The following PRKCA variants were observed in gnomAD, a reference collection of about 807,000 sequenced individuals.
PRKCA encodes the protein protein kinase C alpha type.
In PRKCA, 27 loss-of-function variants were observed where a neutral mutation model predicts 87.0. That is an observed-to-expected ratio of 0.31 (90% CI 0.23 to 0.43). The LOEUF (loss-of-function observed/expected upper bound fraction) is 0.43, where lower values mean the gene tolerates loss of function less well. Among genes scored for constraint, PRKCA ranks in the 20% least tolerant of loss-of-function variants. The pLI, the probability that PRKCA is intolerant of heterozygous loss-of-function variation, is 1.00. For synonymous variants in PRKCA, 329 were observed against 311.1 expected (o/e 1.06, Z -0.61); for missense variants, 518 against 852.3 (o/e 0.61, Z 4.88).
intron 8 of PRKCA, among the ~76,000 whole-genome samples, chr17:66,727,055 G>A (rs933499595): frequency 6.6e-6 from 1 of 152,106 alleles, no homozygotes; most frequent in Non-Finnish European, 1.5e-5. Context: ...GCCCGCCAGC[G>A]AGAGCAACGG....
chr17:66,448,416 G>A (rs1358142329), intron 2 of PRKCA, among the ~76,000 whole-genome samples: 6 of 152,132 alleles, frequency 3.9e-5, no homozygotes, highest in Non-Finnish European at 7.4e-5. Flanking sequence ...TTTTGGCTGC[G>A]TTAGGCTCTT....
intron 2 of PRKCA, among the ~76,000 whole-genome samples, chr17:66,351,123 G>A (rs887413911): frequency 2.6e-5 from 4 of 152,248 alleles, no homozygotes; most frequent in African/African-American, 7.2e-5. Flanking sequence ...ATCGTGTGGT[G>A]CTGAGCTTGG....
intron 3 of PRKCA, among the ~76,000 whole-genome samples, chr17:66,499,415 T>C (rs145607855): frequency 6.6e-6 from 1 of 152,326 alleles, no homozygotes; most frequent in East Asian, 1.9e-4. Flanking sequence ...ATTCTCTACG[T>C]TGCTGAAACT....
At chr17:66,440,653 C>CT (rs1439603117) in intron 2 of PRKCA, among the ~76,000 whole-genome samples, 8 of 152,112 alleles carry the variant, frequency 5.3e-5, no homozygotes, top group Non-Finnish European at 8.8e-5. Context: ...GTCAAGGGGG[C>CT]TTTTTTGAGG....
At chr17:66,452,091 G>T (rs143889956) in intron 2 of PRKCA, among the ~76,000 whole-genome samples, 2 of 152,314 alleles carry the variant, frequency 1.3e-5, no homozygotes, top group African/African-American at 4.8e-5. Context: ...CCTCCATGCA[G>T]CAGGGTGCGT....
intron 2 of PRKCA, among the ~76,000 whole-genome samples, chr17:66,367,964 C>T (rs866388002): frequency 4.7e-4 from 71 of 152,284 alleles, no homozygotes; most frequent in African/African-American, 1.5e-3. Context: ...AAATAACTTA[C>T]AGGTGCAGTT....
At chr17:66,671,209 CAAAAAAAAAAA>C (rs778507190) in intron 5 of PRKCA, among the ~76,000 whole-genome samples, 18 of 48,454 alleles carry the variant, frequency 3.7e-4, no homozygotes, top group South Asian at 1.5e-3. Flanking sequence ...AGACTCATCT[CAAAAAAAAAAA>C]AAAAAAAAAA....
At chr17:66,353,556 G>T (rs368887066) in intron 2 of PRKCA, among the ~76,000 whole-genome samples, 1 of 152,016 alleles carries the variant, frequency 6.6e-6, no homozygotes, top group African/African-American at 2.4e-5. Context: ...TCTCTACTAA[G>T]AATACAAAAA....
intron 3 of PRKCA, among the ~76,000 whole-genome samples, chr17:66,547,631 C>T (rs768410899): frequency 6.6e-6 from 1 of 152,138 alleles, no homozygotes; most frequent in Non-Finnish European, 1.5e-5. Flanking sequence ...CTTGACTATT[C>T]ATTGTTAACT....
chr17:66,507,864 C>G (rs1211429753), intron 3 of PRKCA, among the ~76,000 whole-genome samples: 2 of 152,192 alleles, frequency 1.3e-5, no homozygotes, highest in African/African-American at 2.4e-5. Context: ...ACCTTCCTCA[C>G]CTTGGCTTTG....
chr17:66,649,505 A>T (rs551218778), intron 5 of PRKCA, among the ~76,000 whole-genome samples: 1 of 152,360 alleles, frequency 6.6e-6, no homozygotes, highest in South Asian at 2.1e-4. Flanking sequence ...TGAGCAAAGG[A>T]GCTGAGAGAA....
intron 3 of PRKCA, among the ~76,000 whole-genome samples, chr17:66,616,419 G>A (rs1350225686): frequency 1.3e-5 from 2 of 152,210 alleles, no homozygotes; most frequent in Admixed American, 6.5e-5. Flanking sequence ...AGGTGCAATG[G>A]TGAAGGCCCT....
chr17:66,779,302 A>C (rs1293328554), intron 14 of PRKCA, among the ~76,000 whole-genome samples: 2 of 152,174 alleles, frequency 1.3e-5, no homozygotes, highest in Non-Finnish European at 2.9e-5. Context: ...AGTTAAGAAT[A>C]AACAGCCTCA....
chr17:66,596,130 G>C (rs999410536), intron 3 of PRKCA, among the ~76,000 whole-genome samples: 1 of 152,158 alleles, frequency 6.6e-6, no homozygotes, highest in Non-Finnish European at 1.5e-5. Context: ...TGCTCCCTTA[G>C]TCTCTGTAAC....
chr17:66,424,022 T>C (rs569923854), intron 2 of PRKCA, among the ~76,000 whole-genome samples: 2 of 152,302 alleles, frequency 1.3e-5, no homozygotes, highest in Admixed American at 6.5e-5. Flanking sequence ...TAATGCTGTC[T>C]TAGCAGAAGT....
intron 3 of PRKCA, among the ~76,000 whole-genome samples, chr17:66,568,138 A>G (rs1397156618): frequency 1.3e-5 from 2 of 152,092 alleles, no homozygotes; most frequent in African/African-American, 2.4e-5. Context: ...AACACGATGA[A>G]ACCCCATCTC....
At chr17:66,414,272 TGC>T (rs1228619326) in intron 2 of PRKCA, among the ~76,000 whole-genome samples, 1 of 152,124 alleles carries the variant, frequency 6.6e-6, no homozygotes, top group East Asian at 1.9e-4. Context: ...ATCACCTTGG[TGC>T]TGTGAGTGAG....
chr17:66,491,884 C>T (rs1266472356), intron 2 of PRKCA, among the ~76,000 whole-genome samples: 1 of 152,234 alleles, frequency 6.6e-6, no homozygotes, highest in South Asian at 2.1e-4. Context: ...TTTTCTGGGG[C>T]AGCCTTTCCC....
At chr17:66,366,812 ATGATT>A (rs1908756410) in intron 2 of PRKCA, among the ~76,000 whole-genome samples, 1 of 152,220 alleles carries the variant, frequency 6.6e-6, no homozygotes. Context: ...TTGACTCAAT[ATGATT>A]TAAGTTAGAG....
Sources: gnomAD v4.1 joint callset for allele counts (sites outside exome capture counted in the v4.1 genomes callset) on GRCh38, gnomAD v4.1.1 for gene constraint, MANE v1.5 for transcripts, NCBI Gene and HGNC (gene_info 2026-07-23, HGNC 2026-07-21) for gene names.